GRAMD2B: variants seen among roughly 807,000 people sequenced by gnomAD.
GRAMD2B encodes the protein GRAM domain-containing protein 2B.
A neutral mutation model predicts 59.2 loss-of-function variants in GRAMD2B; 41 were observed. The ratio of observed to expected loss-of-function variants is 0.69; its 90% CI spans 0.54 to 0.90. The LOEUF is 0.90. Ranked by LOEUF, GRAMD2B falls within the 40% of genes least tolerant of loss-of-function variation. The probability of loss-of-function intolerance (pLI) is 0.00; values close to 1 mark genes in which losing one functional copy is unlikely to be tolerated. For missense variants in GRAMD2B, 424 were observed against 500.5 expected (o/e 0.85, Z 1.46); for synonymous variants, 161 against 182.7 (o/e 0.88, Z 0.96).
rs148834938 is a variant in GRAMD2B, at chr5:126,471,555, T to A, written c.316-683T>A. 3.4e-4 allele frequency among the ~76,000 whole-genome samples: 52 copies of A among 152,316 alleles called. 3 individuals carry two copies. The East Asian group carries it at 8.9e-3, about 26-fold the overall frequency. On this transcript the variant is annotated intron_variant, in intron 3 of 13. Coordinates refer to ENST00000285689, the MANE Select transcript of GRAMD2B (RefSeq NM_023927.4). ...TGGAGAGTGAAGTCTTTGTATGAAA[T>A]CCTACTTGTCTTGTCAGTAGCCTAC...
chr5:126,396,520 A>G (rs930933685), intron 1 of GRAMD2B, among the ~76,000 whole-genome samples: 1 of 152,070 alleles, frequency 6.6e-6, no homozygotes, highest in African/African-American at 2.4e-5. Context: ...ATTCTTTTTT[A>G]TTACTGCATA....
At chr5:126,421,175 T>C (rs1394368768), upstream of GRAMD2B, among the ~76,000 whole-genome samples, 5 of 152,192 alleles carry the variant, frequency 3.3e-5, no homozygotes, top group Admixed American at 1.3e-4. Context: ...TAAGTGGTGA[T>C]AGTTAAATAA....
At chr5:126,415,163 G>A (rs1561492177) in intron 1 of GRAMD2B, among the ~76,000 whole-genome samples, 1 of 152,110 alleles carries the variant, frequency 6.6e-6, no homozygotes, top group Non-Finnish European at 1.5e-5. Flanking sequence ...GATGCATGGG[G>A]GATGCAGGGG....
intron 1 of GRAMD2B, among the ~76,000 whole-genome samples, chr5:126,390,398 T>C (rs910934395): frequency 2.0e-5 from 3 of 152,246 alleles, no homozygotes; most frequent in African/African-American, 7.2e-5. Context: ...GTTTTGTTTG[T>C]TATTTTCTAT....
At chr5:126,486,712 C>T (rs1447355774) in intron 11 of GRAMD2B, among the ~76,000 whole-genome samples, 161 bp from the exon 12 acceptor site, 1 of 152,194 alleles carries the variant, frequency 6.6e-6, no homozygotes, top group African/African-American at 2.4e-5. Flanking sequence ...AGTTTTATAA[C>T]AAGCATCAGC....
chr5:126,483,331 T>C (rs984281748), intron 8 of GRAMD2B, 132 bp from the exon 9 acceptor site: 3 of 447,972 alleles, frequency 6.7e-6, no homozygotes, highest in Admixed American at 4.2e-5. Context: ...AAAATCCCAG[T>C]CGTATGGAGT....
intron 1 of GRAMD2B, among the ~76,000 whole-genome samples, chr5:126,406,659 T>C (rs1318198862): frequency 6.6e-6 from 1 of 152,006 alleles, no homozygotes; most frequent in East Asian, 1.9e-4. Flanking sequence ...AGCTTACTTA[T>C]TGGAGGTTTA....
At chr5:126,362,244 T>C (rs1397539186) in intron 1 of GRAMD2B, among the ~76,000 whole-genome samples, 1 of 152,204 alleles carries the variant, frequency 6.6e-6, no homozygotes, top group African/African-American at 2.4e-5. Context: ...TCACCTCTTC[T>C]GAATTTGGCC....
At chr5:126,371,404 T>C in exon 1 of GRAMD2B, 1 of 1,264,276 alleles carries the variant, frequency 7.9e-7, no homozygotes, top group Non-Finnish European at 1.0e-6. Flanking sequence ...AAATGAGCTT[T>C]TAAGGTTGTT....
At chr5:126,392,399 C>T (rs1339885341) in intron 1 of GRAMD2B, among the ~76,000 whole-genome samples, 3 of 152,168 alleles carry the variant, frequency 2.0e-5, no homozygotes, top group African/African-American at 7.2e-5. Context: ...ACAGAGAGCA[C>T]ACTTTTGCAC....
upstream of GRAMD2B, among the ~76,000 whole-genome samples, chr5:126,368,333 T>C (rs1754563385): frequency 6.6e-6 from 1 of 152,254 alleles, no homozygotes. Context: ...AGGCAGTGGC[T>C]GTGGATGGCT....
chr5:126,385,409 G>A (rs1449110955), intron 1 of GRAMD2B, among the ~76,000 whole-genome samples: 1 of 152,160 alleles, frequency 6.6e-6, no homozygotes, highest in Admixed American at 6.5e-5. Flanking sequence ...AAATATAAAT[G>A]TAAGTTAATT....
At chr5:126,366,107 T>C (rs1027857347) in intron 1 of GRAMD2B, among the ~76,000 whole-genome samples, 1 of 152,204 alleles carries the variant, frequency 6.6e-6, no homozygotes, top group African/African-American at 2.4e-5. Flanking sequence ...ATAACATATA[T>C]CCTTTCTCTG....
chr5:126,444,725 A>G (rs1763910326), intron 1 of GRAMD2B, among the ~76,000 whole-genome samples: 1 of 152,160 alleles, frequency 6.6e-6, no homozygotes, highest in Non-Finnish European at 1.5e-5. Flanking sequence ...TCCAGGGTAT[A>G]TGTGCAGGAT....
At chr5:126,412,576 T>A (rs774899844) in intron 1 of GRAMD2B, among the ~76,000 whole-genome samples, 1 of 152,148 alleles carries the variant, frequency 6.6e-6, no homozygotes, top group Non-Finnish European at 1.5e-5. Flanking sequence ...TTTTCTGTTT[T>A]TGTTGTGTCT....
intron 1 of GRAMD2B, among the ~76,000 whole-genome samples, chr5:126,439,976 G>T (rs976695895): frequency 6.6e-6 from 1 of 152,020 alleles, no homozygotes; most frequent in Non-Finnish European, 1.5e-5. Flanking sequence ...CACCGTGATT[G>T]TGAGGCCTCC....
chr5:126,394,030 T>C (rs1251991098), intron 1 of GRAMD2B, among the ~76,000 whole-genome samples: 1 of 152,090 alleles, frequency 6.6e-6, no homozygotes, highest in Non-Finnish European at 1.5e-5. Flanking sequence ...AGCCCAGCAC[T>C]TCGGGAGGCC....
chr5:126,364,386 C>A (rs1465750647), intron 1 of GRAMD2B, among the ~76,000 whole-genome samples: 1 of 152,162 alleles, frequency 6.6e-6, no homozygotes, highest in Non-Finnish European at 1.5e-5. Flanking sequence ...AATGATGGAA[C>A]CTAACACAGC....
At chr5:126,477,645 T>C (rs1770872423) in intron 5 of GRAMD2B, 47 bp from the exon 6 acceptor site, 1 of 982,176 alleles carries the variant, frequency 1.0e-6, no homozygotes, top group South Asian at 1.3e-5. Context: ...TTTGAAGTGC[T>C]GTTCTGTCAA....
Sources: allele counts gnomAD v4.1 joint callset (sites outside exome capture counted in the v4.1 genomes callset), GRCh38; gene constraint gnomAD v4.1.1; transcripts MANE v1.5; gene names NCBI Gene and HGNC (gene_info 2026-07-23, HGNC 2026-07-21).